Variants in CNKSR2 observed in about 807,000 individuals in gnomAD.
CNKSR2 encodes connector enhancer of kinase suppressor of Ras 2.
Under a neutral mutation model 84.4 loss-of-function variants are expected in CNKSR2, and 14 were observed. That is an observed-to-expected ratio of 0.17 (90% CI 0.11 to 0.26). The LOEUF is 0.26. CNKSR2 is among the 10% of genes least tolerant of loss of function. The pLI is 1.00. For missense variants in CNKSR2, 485 were observed against 771.2 expected, an observed-to-expected ratio of 0.63 and a Z score of 4.40; for synonymous variants, 275 against 277.9, an observed-to-expected ratio of 0.99 and a Z score of 0.10.
intron 20 of CNKSR2, among the ~76,000 whole-genome samples, chrX:21,614,871 A>G (rs775293720): frequency 9.0e-6 from 1 of 111,609 alleles, no homozygotes; most frequent in Admixed American, 9.6e-5. Context: ...AGCTCCAAGC[A>G]TCATTTCTCA....
chrX:21,446,856 T>C (rs780267570), intron 4 of CNKSR2, among the ~76,000 whole-genome samples: 2 of 111,399 alleles, frequency 1.8e-5, no homozygotes, highest in Non-Finnish European at 3.8e-5. Flanking sequence ...TTATGAAATG[T>C]ACATACATGC....
At chrX:21,568,585 G>A (rs181277625) in intron 13 of CNKSR2, among the ~76,000 whole-genome samples, 8 of 111,515 alleles carry the variant, frequency 7.2e-5, no homozygotes, top group Admixed American at 4.8e-4. Context: ...TGGCCAATTT[G>A]TGAGGTTTTG....
chrX:21,375,230 A>C (rs977688402), intron 1 of CNKSR2, among the ~76,000 whole-genome samples: 1 of 112,688 alleles, frequency 8.9e-6, no homozygotes, highest in Admixed American at 9.2e-5. Context: ...GAGGCAGAAT[A>C]CCGGCGCATC....
At chrX:21,409,059 G>T (rs1407562187) in intron 1 of CNKSR2, among the ~76,000 whole-genome samples, 1 of 106,254 alleles carries the variant, frequency 9.4e-6, no homozygotes, top group African/African-American at 3.4e-5. Flanking sequence ...ATGTCTCTGT[G>T]GTAAGAGATG....
At chrX:21,572,363 A>G (rs777342311) in intron 13 of CNKSR2, among the ~76,000 whole-genome samples, 9 of 112,809 alleles carry the variant, frequency 8.0e-5, no homozygotes, top group African/African-American at 2.9e-4. Context: ...AATGAGTTTA[A>G]AAGGTTACAA....
intron 1 of CNKSR2, among the ~76,000 whole-genome samples, chrX:21,378,398 T>C (rs1177093409): frequency 9.0e-6 from 1 of 111,693 alleles, no homozygotes; most frequent in East Asian, 2.8e-4. Context: ...GAAAAAGCCA[T>C]AGGCAGAAAA....
At chrX:21,498,864 T>C (rs1424697227) in intron 7 of CNKSR2, among the ~76,000 whole-genome samples, 1 of 112,088 alleles carries the variant, frequency 8.9e-6, no homozygotes, top group Admixed American at 9.5e-5. Flanking sequence ...TATGCAGTGC[T>C]CTTTTAAAGA....
chrX:21,534,094 A>G (rs1287068062), intron 11 of CNKSR2, among the ~76,000 whole-genome samples: 2 of 108,289 alleles, frequency 1.8e-5, no homozygotes, highest in Non-Finnish European at 3.9e-5. Context: ...TCTCCCACTC[A>G]CCCCTCCCAT....
At chrX:21,604,079 G>C (rs2092501036) in intron 18 of CNKSR2, among the ~76,000 whole-genome samples, 1 of 111,747 alleles carries the variant, frequency 8.9e-6, no homozygotes, top group Non-Finnish European at 1.9e-5. Flanking sequence ...GCAACAGTGT[G>C]TCTCTAATTT....
chrX:21,479,813 A>G (rs2091297821), intron 5 of CNKSR2, among the ~76,000 whole-genome samples: 1 of 110,009 alleles, frequency 9.1e-6, no homozygotes, highest in East Asian at 2.9e-4. Flanking sequence ...GGGAAGGTTC[A>G]CAGCAAGAGT....
At chrX:21,395,409 G>A (rs889754630) in intron 1 of CNKSR2, among the ~76,000 whole-genome samples, 2 of 111,129 alleles carry the variant, frequency 1.8e-5, no homozygotes, top group Non-Finnish European at 1.9e-5. Flanking sequence ...GTTTCTAAAC[G>A]ACAGTGGATA....
chrX:21,479,921 G>C (rs1826551330), intron 5 of CNKSR2, among the ~76,000 whole-genome samples: 1 of 110,879 alleles, frequency 9.0e-6, no homozygotes, highest in Admixed American at 9.7e-5. Flanking sequence ...GTCACTGTGG[G>C]ACTGCATGAT....
chrX:21,642,455 T>A (rs1334223090), intron 20 of CNKSR2: 3 of 747,970 alleles, frequency 4.0e-6, no homozygotes, highest in Non-Finnish European at 4.7e-6. Context: ...TAGCTTCAGA[T>A]ATTATTTAAT....
At chrX:21,628,723 A>G (rs765696086) in intron 20 of CNKSR2, among the ~76,000 whole-genome samples, 1 of 110,548 alleles carries the variant, frequency 9.0e-6, no homozygotes, top group South Asian at 3.9e-4. Flanking sequence ...CAGCAGAGAG[A>G]CCCTGGGCCC....
rs181545445 is a variant in CNKSR2 at position 21,387,990 on chromosome X, C to A, written c.64+13029C>A. On this transcript the variant is annotated intron_variant, in intron 1 of 21. Coordinates refer to ENST00000379510, the MANE Select transcript of CNKSR2 (RefSeq NM_014927.5). ...TCTCGGCTCACTGCAAGCTCCGCCT[C>A]CCGGGTTCACGCCATTCTTCTGCCT... Among the ~76,000 whole-genome samples, 673 of 108,454 alleles carry A rather than the reference C, an allele frequency of 6.2e-3. 7 individuals are homozygous for A. Among genetic ancestry groups the A allele is most frequent in the African/African-American group, 0.022 (643 of 29,641 alleles). The allele number at this position is 108,454 out of a possible 115,157, so 94.2% of individuals were successfully genotyped here. A position where few individuals can be genotyped will look rare whatever the true frequency, so the allele number is the denominator to read the frequency against.
rs1290814249 is a variant in CNKSR2 at position 21,374,839 on chromosome X, GC to G, written c.-58del. On this transcript the variant is annotated 5_prime_UTR_variant, in exon 1 of 22. Coordinates refer to ENST00000379510, the MANE Select transcript of CNKSR2 (RefSeq NM_014927.5). ...GGGACCCCACCTGAGAGCAGCTCGG[GC>G]TGCTGAGTTCGTTTTGTGTCTGAGC... 3.6e-5 allele frequency: 37 copies of G among 1,039,190 alleles called. No individual in the cohort carries two copies. Among genetic ancestry groups the G allele is most frequent in the Non-Finnish European group, 3.2e-5 (24 of 738,908 alleles). The allele number at this position is 1,039,190 out of a possible 1,213,427, so 85.6% of individuals were successfully genotyped here.
intron 5 of CNKSR2, among the ~76,000 whole-genome samples, chrX:21,487,711 CAT>C (rs1435759283): frequency 8.9e-6 from 1 of 112,133 alleles, no homozygotes; most frequent in Non-Finnish European, 1.9e-5. Flanking sequence ...TCCTGTCAAA[CAT>C]AGAATTTGAA....
chrX:21,410,521 C>T (rs2090329276), intron 1 of CNKSR2, among the ~76,000 whole-genome samples: 1 of 110,757 alleles, frequency 9.0e-6, no homozygotes, highest in Non-Finnish European at 1.9e-5. Context: ...TAAAGCAAAA[C>T]AAAAAATTGA....
intron 13 of CNKSR2, among the ~76,000 whole-genome samples, chrX:21,568,632 TTAAAAAACATTTTTATTTTTTTTTAA>T (rs2092260108): frequency 9.0e-6 from 1 of 111,595 alleles, no homozygotes; most frequent in East Asian, 2.8e-4. Flanking sequence ...GGTAGAACTG[TTAAAAAACATTTTTATTTTTTTTTAA>T]TTTAGCAAGT....
Sources: allele counts gnomAD v4.1 joint callset (sites outside exome capture counted in the v4.1 genomes callset), GRCh38; gene constraint gnomAD v4.1.1; transcripts MANE v1.5; gene names NCBI Gene and HGNC (gene_info 2026-07-23, HGNC 2026-07-21).